Variants in GLOD4 observed in about 807,000 individuals in gnomAD.
GLOD4 encodes glyoxalase domain containing 4.
Under a neutral mutation model 39.1 loss-of-function variants are expected in GLOD4, and 44 were observed. The observed-to-expected ratio is 1.13, with a 90% CI of 0.88 to 1.45. GLOD4 has a LOEUF of 1.45. Among genes scored for constraint, GLOD4 ranks in the 40% most tolerant of loss-of-function variants. The pLI is 0.00. For synonymous variants in GLOD4, 145 were observed against 135.0 expected, an observed-to-expected ratio of 1.07 and a Z score of -0.52; for missense variants, 405 against 366.4, an observed-to-expected ratio of 1.11 and a Z score of -0.86.
chr17:774,118 C>CA (rs1908472390), intron 4 of GLOD4, among the ~76,000 whole-genome samples: 2 of 152,060 alleles, frequency 1.3e-5, no homozygotes, highest in East Asian at 1.9e-4. Context: ...CACCTATCAA[C>CA]AAAAAAACAC....
At chr17:762,877 T>C (rs1905756309) in intron 8 of GLOD4, among the ~76,000 whole-genome samples, 1 of 152,246 alleles carries the variant, frequency 6.6e-6, no homozygotes, top group African/African-American at 2.4e-5. Context: ...GCAGGTTATA[T>C]TAAGAATCAG....
At chr17:768,535 A>C (rs1907198900) in intron 8 of GLOD4, among the ~76,000 whole-genome samples, 1 of 146,142 alleles carries the variant, frequency 6.8e-6, no homozygotes, top group Non-Finnish European at 1.5e-5. Flanking sequence ...TTTTTAGAAG[A>C]AATCTGGAGA....
chr17:767,824 G>T (rs1177976409), intron 8 of GLOD4, among the ~76,000 whole-genome samples: 2 of 145,436 alleles, frequency 1.4e-5, no homozygotes, highest in African/African-American at 5.1e-5. Context: ...AAGAAATCTG[G>T]AGAGTATGTG....
At chr17:763,372 G>T (rs1275818597) in intron 8 of GLOD4, among the ~76,000 whole-genome samples, 1 of 151,664 alleles carries the variant, frequency 6.6e-6, no homozygotes, top group Non-Finnish European at 1.5e-5. Flanking sequence ...GCTGGACATG[G>T]TGGCGGGTGC....
chr17:783,602 GC>G, upstream of GLOD4: 1 of 310,602 alleles, frequency 3.2e-6, no homozygotes, highest in South Asian at 3.4e-5. Context: ...CTCCCAAAGT[GC>G]TGGGATTACA....
chr17:780,589 A>T (rs1489015162), intron 1 of GLOD4: 4 of 152,046 alleles, frequency 2.6e-5, no homozygotes, highest in East Asian at 3.9e-4. Flanking sequence ...AAATATTTTT[A>T]AAAATTAGCC....
chr17:768,112 TGA>T (rs1311085655), intron 8 of GLOD4, among the ~76,000 whole-genome samples: 1 of 95,170 alleles, frequency 1.1e-5, no homozygotes, highest in Non-Finnish European at 2.0e-5. Flanking sequence ...AGAGGATGTG[TGA>T]GAGAGAAACA....
At chr17:769,338 C>T (rs931615572) in intron 8 of GLOD4, among the ~76,000 whole-genome samples, 1 of 148,088 alleles carries the variant, frequency 6.8e-6, no homozygotes, top group Non-Finnish European at 1.5e-5. Context: ...GGGATGGAGG[C>T]ATCTCCATGC....
At chr17:781,475 T>C (rs994562569) in intron 1 of GLOD4, among the ~76,000 whole-genome samples, 1 of 152,202 alleles carries the variant, frequency 6.6e-6, no homozygotes, top group East Asian at 1.9e-4. Context: ...GCAGATATTT[T>C]AAAAATGACC....
Position 772,938 on chromosome 17 carries a change from T to C in GLOD4, c.407-1477A>G, listed in dbSNP as rs201016534. Among the ~76,000 whole-genome samples the C allele has an allele frequency of 1.9e-4, 28 of 150,518 alleles. No individual in the cohort carries two copies. In the East Asian group the frequency reaches 4.7e-3, roughly 25 times the overall value. ...TGAACCCGGGAGGCGGAGCTTGCAG[T>C]GAGCCCAGAGCGCGCCACTGCACTC... On this transcript the variant is annotated intron_variant, in intron 4 of 8. Coordinates refer to ENST00000301329, the MANE Select transcript of GLOD4 (RefSeq NM_016080.4).
At chr17:770,931 C>T (rs1907850908) in intron 5 of GLOD4, 1 of 200,446 alleles carries the variant, frequency 5.0e-6, no homozygotes, top group South Asian at 1.0e-4. Context: ...ACCTTGCACA[C>T]ACTTCTTTGT....
At chr17:760,924 T>A (rs181315495) in intron 8 of GLOD4, among the ~76,000 whole-genome samples, 1 of 152,252 alleles carries the variant, frequency 6.6e-6, no homozygotes, top group South Asian at 2.1e-4. Context: ...CCGTCTCATA[T>A]ACATACATAC....
chr17:771,341 C>T lies in GLOD4; in HGVS notation c.527G>A (p.Gly176Asp), dbSNP rs1314867116. 6.3e-7 allele frequency: 1 copy of T among 1,598,484 alleles called. No homozygotes were observed. Among genetic ancestry groups the T allele is most frequent in the East Asian group, 2.2e-5 (1 of 44,606 alleles). The part of the protein sequence containing the change: ...KDEEKQRALL[G>D]YADNQCKLEL... ...ATTGCTCACCTGGTTATCAGCATAG[C>T]CCAGCAAAGCCCTTTGCTTTTCTTC... is the stretch of plus-strand genomic sequence containing the variant. The change falls in exon 5 of 9, where the codon GGC becomes GAC. Residue 176 changes from glycine (G) to aspartate (D), a missense_variant. Gly to Asp is a moderately conservative substitution (Grantham distance 94). Coordinates refer to ENST00000301329, the MANE Select transcript of GLOD4 (RefSeq NM_016080.4).
At chr17:777,163 CCTA>C in intron 2 of GLOD4, 175 bp from the exon 3 acceptor site, 1 of 608,072 alleles carries the variant, frequency 1.6e-6, no homozygotes, top group Non-Finnish European at 2.9e-6. Context: ...CTCATGGGAC[CCTA>C]CTACAAGCTC....
Position 767,687 on chromosome 17 carries a change from G to A in GLOD4, c.831+2182C>T, listed in dbSNP as rs4968110. On this transcript the variant is annotated intron_variant, in intron 8 of 8. Coordinates refer to ENST00000301329, the MANE Select transcript of GLOD4 (RefSeq NM_016080.4). ...AGGACGTGAGAGAGAGAAACAGCGC[G>A]CATTCAGATTTTTAGAAGAAGAAAT... is the stretch of plus-strand genomic sequence containing the variant. 6.4e-4 allele frequency among the ~76,000 whole-genome samples: 92 copies of A among 143,474 alleles called. 3 individuals carry two copies. Among genetic ancestry groups the A allele is most frequent in the Admixed American group, 4.7e-3 (67 of 14,176 alleles). The allele number at this position is 143,474 out of a possible 152,430, so 94.1% of individuals were successfully genotyped here. A position where few individuals can be genotyped will look rare whatever the true frequency, so the allele number is the denominator to read the frequency against.
chr17:783,228 G>C (rs1910292078), upstream of GLOD4: 2 of 1,614,016 alleles, frequency 1.2e-6, no homozygotes, highest in Admixed American at 3.3e-5. Context: ...ATACCTAAAG[G>C]AGTTGCCAGT....
At chr17:782,596 A>G (rs368602188), upstream of GLOD4, 13 of 1,613,954 alleles carry the variant, frequency 8.1e-6, no homozygotes, top group African/African-American at 1.3e-5. Flanking sequence ...CAACGAGAGA[A>G]ACAACCGCTC....
At chr17:782,445 G>A, upstream of GLOD4, 1 of 1,613,974 alleles carries the variant, frequency 6.2e-7, no homozygotes. Flanking sequence ...CCAGGCTTGG[G>A]ACCTTGACGC....
chr17:778,444 T>G, intron 2 of GLOD4: 1 of 586,502 alleles, frequency 1.7e-6, no homozygotes, highest in Admixed American at 3.1e-5. Context: ...TGTATGAGAG[T>G]GCAGAGAAAT....
Sources: allele counts gnomAD v4.1 joint callset (sites outside exome capture counted in the v4.1 genomes callset), GRCh38; gene constraint gnomAD v4.1.1; transcripts MANE v1.5; gene names NCBI Gene and HGNC (gene_info 2026-07-23, HGNC 2026-07-21).